TENM2: variants seen among roughly 807,000 people sequenced by gnomAD.
The protein encoded by TENM2 is teneurin transmembrane protein 2, also known as teneurin-2.
Under a neutral mutation model 245.2 loss-of-function variants are expected in TENM2, and 52 were observed. The observed-to-expected ratio is 0.21, with a 90% CI of 0.17 to 0.27. The LOEUF is 0.27. TENM2 is among the 10% of genes least tolerant of loss of function. The pLI is 1.00. For missense variants in TENM2, 3,046 were observed against 3,666.8 expected (o/e 0.83, Z 4.37); for synonymous variants, 1,363 against 1,438.9 (o/e 0.95, Z 1.19).
the TENM2 span, among the ~76,000 whole-genome samples, chr5:167,276,819 T>A: frequency 6.6e-6 from 1 of 152,140 alleles, no homozygotes; most frequent in African/African-American, 2.4e-5. Flanking sequence ...GTATGGTTAT[T>A]TTTTATTTTT....
chr5:167,816,569 G>A (rs960480424), intron 2 of TENM2, among the ~76,000 whole-genome samples: 3 of 152,160 alleles, frequency 2.0e-5, no homozygotes, highest in Non-Finnish European at 4.4e-5. Context: ...GGGTTGCTGT[G>A]TTGGAAGGAG....
At chr5:167,306,752 C>T (rs190522271) in intron 1 of TENM2, 2 of 152,300 alleles carry the variant, frequency 1.3e-5, no homozygotes, top group Admixed American at 6.5e-5. Flanking sequence ...CACCATCATT[C>T]GTTTTCCCAA....
At chr5:168,085,817 C>A (rs1489700608) in intron 7 of TENM2, among the ~76,000 whole-genome samples, 2 of 152,210 alleles carry the variant, frequency 1.3e-5, no homozygotes, top group Non-Finnish European at 2.9e-5. Context: ...TGGCTTCAAG[C>A]AGCCCTAGCT....
rs183102687 is a variant in TENM2, at chr5:167,664,057, G to T, written c.503-211929G>T. Among the ~76,000 whole-genome samples the T allele has an allele frequency of 1.8e-4, 27 of 152,274 alleles. 1 individual carries two copies. In the East Asian group the frequency reaches 4.6e-3, roughly 26 times the overall value. ...TTGTTCATGTTGCAATTTGAGCGGA[G>T]AGTGAAGTTATGTTATCTGGAATTG... On this transcript the variant is annotated intron_variant, in intron 2 of 28. Coordinates refer to ENST00000518659, the Ensembl canonical transcript of TENM2.
the TENM2 span, among the ~76,000 whole-genome samples, chr5:167,067,400 C>T: frequency 6.6e-6 from 1 of 152,032 alleles, no homozygotes; most frequent in South Asian, 2.1e-4. Flanking sequence ...TGACTTGGTG[C>T]ATCTTTAAGA....
chr5:168,126,943 G>A, exon 12 of TENM2: 1 of 1,607,366 alleles, frequency 6.2e-7, no homozygotes, highest in Non-Finnish European at 8.5e-7. Flanking sequence ...ACCATTGGTA[G>A]GCAAACGGCA....
rs982182939 is a variant in TENM2 at position 167,667,986 on chromosome 5, G to A, written c.503-208000G>A. On this transcript the variant is annotated intron_variant, in intron 2 of 28. Coordinates refer to ENST00000518659, the Ensembl canonical transcript of TENM2. ...TCATTTTGAAGTTTGTTTCTTGCCT[G>A]CAAATCAAATAAGATATTGATCTTT... 2.6e-5 allele frequency among the ~76,000 whole-genome samples: 4 copies of A among 152,192 alleles called. 1 individual carries two copies. The highest frequency in any genetic ancestry group is 2.0e-4 in the Admixed American group (3 of 15,266).
chr5:168,132,337 A>C (rs1212692592), intron 12 of TENM2, among the ~76,000 whole-genome samples: 1 of 152,236 alleles, frequency 6.6e-6, no homozygotes, highest in Non-Finnish European at 1.5e-5. Flanking sequence ...GACACAAACT[A>C]CATTCTAACT....
At chr5:167,662,028 T>C (rs1755241400) in intron 2 of TENM2, among the ~76,000 whole-genome samples, 1 of 152,220 alleles carries the variant, frequency 6.6e-6, no homozygotes, top group Non-Finnish European at 1.5e-5. Context: ...TTGGAAGATG[T>C]TTCTATCTAT....
In TENM2 at chr5:168,177,022, A is replaced by G. The variant is rs151001545; in HGVS notation, c.2570-13315A>G. Among the ~76,000 whole-genome samples, 27 of 152,344 alleles carry G rather than the reference A, an allele frequency of 1.8e-4. No individual in the cohort carries two copies. The East Asian group carries it at 1.9e-3, about 11-fold the overall frequency. The stretch of plus-strand genomic sequence containing the variant: ...TCATTGACTTCGTATGGGTTGGTGC[A>G]GTAGGTATGCAAGCCTCATAATCCT... On this transcript the variant is annotated intron_variant, in intron 13 of 28. Transcript: ENST00000518659.
intron 2 of TENM2, among the ~76,000 whole-genome samples, chr5:167,435,632 A>C (rs1764507114): frequency 6.6e-6 from 1 of 152,192 alleles, no homozygotes; most frequent in African/African-American, 2.4e-5. Flanking sequence ...AGATACCTGA[A>C]AATATGGAAG....
At chr5:167,726,677 T>C (rs961262779) in intron 2 of TENM2, among the ~76,000 whole-genome samples, 1 of 152,170 alleles carries the variant, frequency 6.6e-6, no homozygotes, top group Non-Finnish European at 1.5e-5. Flanking sequence ...CAGGCTGATA[T>C]TGAACTCCTG....
At chr5:168,036,085 C>T (rs1175692187) in intron 5 of TENM2, among the ~76,000 whole-genome samples, 1 of 152,178 alleles carries the variant, frequency 6.6e-6, no homozygotes, top group Non-Finnish European at 1.5e-5. Context: ...GAGACACCAG[C>T]CCCTACCTGG....
At chr5:168,031,769 G>A (rs961399170) in intron 5 of TENM2, among the ~76,000 whole-genome samples, 3 of 147,600 alleles carry the variant, frequency 2.0e-5, no homozygotes, top group South Asian at 4.5e-4. Flanking sequence ...AGGAGGAAGG[G>A]AAGGAGGGAG....
chr5:167,902,206 T>C (rs1775760835), intron 3 of TENM2, among the ~76,000 whole-genome samples: 1 of 152,114 alleles, frequency 6.6e-6, no homozygotes, highest in South Asian at 2.1e-4. Flanking sequence ...GTACCCTCTG[T>C]CCCAAGAAGC....
At chr5:168,170,412 G>A (rs1758699899) in intron 13 of TENM2, among the ~76,000 whole-genome samples, 1 of 152,144 alleles carries the variant, frequency 6.6e-6, no homozygotes, top group Non-Finnish European at 1.5e-5. Flanking sequence ...GCTGAGGCAT[G>A]AGAATCGCTT....
chr5:167,194,071 G>T, the TENM2 span, among the ~76,000 whole-genome samples: 1 of 151,890 alleles, frequency 6.6e-6, no homozygotes, highest in Admixed American at 6.6e-5. Context: ...TCACTGTGAA[G>T]GGTGTCTCAC....
intron 2 of TENM2, among the ~76,000 whole-genome samples, chr5:167,571,466 A>G (rs1470026968): frequency 6.6e-6 from 1 of 152,166 alleles, no homozygotes; most frequent in East Asian, 1.9e-4. Flanking sequence ...CCTGTAAGAA[A>G]TATTAATATG....
At chr5:168,144,329 C>G (rs971401631) in intron 12 of TENM2, among the ~76,000 whole-genome samples, 5 of 152,062 alleles carry the variant, frequency 3.3e-5, no homozygotes, top group Admixed American at 1.3e-4. Flanking sequence ...ATCCCTCCCC[C>G]CTACCCCCAC....
Sources: gnomAD v4.1 joint callset for allele counts (sites outside exome capture counted in the v4.1 genomes callset) on GRCh38, gnomAD v4.1.1 for gene constraint, MANE v1.5 for transcripts, NCBI Gene and HGNC (gene_info 2026-07-23, HGNC 2026-07-21) for gene names.